Variants in WWP2 observed in about 807,000 individuals in gnomAD.
WWP2 encodes NEDD4-like E3 ubiquitin-protein ligase WWP2.
A neutral mutation model predicts 121.0 loss-of-function variants in WWP2; 57 were observed. That is an observed-to-expected ratio of 0.47 (90% CI 0.38 to 0.59). The LOEUF (loss-of-function observed/expected upper bound fraction) is 0.59. Among genes scored for constraint, WWP2 ranks in the 20% least tolerant of loss-of-function variants. The pLI is 0.00. For synonymous variants in WWP2, 449 were observed against 441.3 expected (o/e 1.02, Z -0.22); for missense variants, 962 against 1,158.9 (o/e 0.83, Z 2.47).
In WWP2 at chr16:69,872,794, C is replaced by A. The variant is rs542710198; in HGVS notation, c.703+863C>A. ...CAGTGCCGTCCACGTGCGCATGGAACTTCCCCACACTTGGCTCTGCTTCCC... is the reference window on the plus strand; with the variant it reads ...CAGTGCCGTCCACGTGCGCATGGAAATTCCCCACACTTGGCTCTGCTTCCC... On this transcript the variant is annotated intron_variant, in intron 7 of 23. Transcript: ENST00000359154. Among the ~76,000 whole-genome samples the A allele has an allele frequency of 6.6e-5, 10 of 152,358 alleles. No individual in the cohort carries two copies. In the South Asian group the frequency reaches 2.1e-3, roughly 32 times the overall value.
In WWP2 at chr16:69,798,851, T is replaced by C. The variant is rs550310199; in HGVS notation, c.218+22T>C. On this transcript the variant is annotated intron_variant, in intron 3 of 23. Transcript: ENST00000359154. ...TTTTGTAAGAGAAAGCCCCTTCTTT[T>C]TGAACGCAGCAAGATGGGGAAAGAG... The C allele has an allele frequency of 2.0e-5, 32 of 1,612,472 alleles. No homozygotes were observed. In the African/African-American group the frequency reaches 3.6e-4, roughly 18 times the overall value.
In WWP2 at chr16:69,809,016, G is replaced by C. The variant is rs147452807; in HGVS notation, c.340+9721G>C. Among the ~76,000 whole-genome samples the C allele has an allele frequency of 4.3e-4, 66 of 152,294 alleles. 1 individual carries two copies. The East Asian group carries it at 0.012, about 27-fold the overall frequency. ...TGTGCTCTGATCGTTTGTAATTACTGTTGTGATTTTATCTTCAAACCCAGA... is the reference window on the plus strand; with the variant it reads ...TGTGCTCTGATCGTTTGTAATTACTCTTGTGATTTTATCTTCAAACCCAGA... On this transcript the variant is annotated intron_variant, in intron 4 of 23. Coordinates refer to ENST00000359154, the MANE Select transcript of WWP2 (RefSeq NM_001270454.2).
intron 9 of WWP2, among the ~76,000 whole-genome samples, chr16:69,913,200 A>AT (rs112233666): frequency 0.76 from 109,716 of 144,330 alleles, 42,378 homozygotes; most frequent in East Asian, 0.96. Flanking sequence ...AATTCTTGTA[A>AT]TTTTTTTTTT....
At chr16:69,825,536 A>T (rs1289591879) in intron 4 of WWP2, among the ~76,000 whole-genome samples, 1 of 151,216 alleles carries the variant, frequency 6.6e-6, no homozygotes, top group Non-Finnish European at 1.5e-5. Flanking sequence ...CTGTATTTGA[A>T]TTTTTTTGAT....
At chr16:69,832,284 A>G (rs2056807377) in intron 4 of WWP2, among the ~76,000 whole-genome samples, 2 of 152,162 alleles carry the variant, frequency 1.3e-5, no homozygotes, top group East Asian at 3.8e-4. Flanking sequence ...GTAGCCATCT[A>G]TGACGGGCCA....
chr16:69,862,415 C>T lies in WWP2; in HGVS notation c.576-9389C>T, dbSNP rs112953546. 6.5e-4 allele frequency among the ~76,000 whole-genome samples: 98 copies of T among 151,816 alleles called. 1 individual carries two copies. Among genetic ancestry groups the T allele is most frequent in the African/African-American group, 2.1e-3 (86 of 41,408 alleles). Reference sequence around the variant, plus strand: ...TCTCGCTGTGTCACCTAGGCTGGAGCGCAGCAGCAGGATCTCTCTCAGCTC... The same window carrying T: ...TCTCGCTGTGTCACCTAGGCTGGAGTGCAGCAGCAGGATCTCTCTCAGCTC... On this transcript the variant is annotated intron_variant, in intron 6 of 23. Coordinates refer to ENST00000359154, the MANE Select transcript of WWP2 (RefSeq NM_001270454.2).
chr16:69,883,792 C>G (rs2057873681), intron 7 of WWP2, among the ~76,000 whole-genome samples: 1 of 152,102 alleles, frequency 6.6e-6, no homozygotes, highest in Non-Finnish European at 1.5e-5. Context: ...GACTCAGAGG[C>G]TCTTGGTTAG....
In WWP2 at chr16:69,909,811, G is replaced by A. The variant is rs9933606; in HGVS notation, c.1004+961G>A. 1.2e-3 allele frequency: 773 copies of A among 632,380 alleles called. 4 individuals are homozygous for A. In the African/African-American group the frequency reaches 0.013, roughly 11 times the overall value. The allele number at this position is 632,380 out of a possible 1,614,324, so 39.2% of individuals were successfully genotyped here. ...TTCAAATAGATATAGAGAGAATAAT[G>A]TTACAAACCCCCACATACTCAACAT... On this transcript the variant is annotated intron_variant, in intron 9 of 23. Transcript: ENST00000359154.
At chr16:69,848,623 C>T (rs1247909890) in intron 6 of WWP2, among the ~76,000 whole-genome samples, 1 of 122,184 alleles carries the variant, frequency 8.2e-6, no homozygotes, top group Non-Finnish European at 1.6e-5. Flanking sequence ...GGCAACAGAG[C>T]TAGATGCTGT....
chr16:69,877,424 G>T (rs896553525), intron 7 of WWP2, among the ~76,000 whole-genome samples: 8 of 152,184 alleles, frequency 5.3e-5, no homozygotes, highest in African/African-American at 1.7e-4. Flanking sequence ...GAATGTCGAG[G>T]CTGGTTTGAT....
At chr16:69,896,587 T>C (rs7185321) in intron 8 of WWP2, among the ~76,000 whole-genome samples, 5,649 of 152,240 alleles carry the variant, frequency 0.037, 296 homozygotes, top group African/African-American at 0.12. Flanking sequence ...TTTAAAGTTT[T>C]TTTCTGATCT....
intron 1 of WWP2, among the ~76,000 whole-genome samples, chr16:69,765,104 G>T (rs938365930): frequency 2.0e-5 from 3 of 152,074 alleles, no homozygotes; most frequent in Non-Finnish European, 4.4e-5. Flanking sequence ...GCTGAGGTGG[G>T]AGGATCACCC....
intron 6 of WWP2, among the ~76,000 whole-genome samples, chr16:69,850,099 A>G (rs574646311): frequency 6.6e-6 from 1 of 152,254 alleles, no homozygotes; most frequent in African/African-American, 2.4e-5. Context: ...TAAAAGATGA[A>G]AAGTCGGCCG....
At chr16:69,786,442 C>CTTTTTTTTTT (rs957224996) in intron 1 of WWP2, among the ~76,000 whole-genome samples, 1 of 85,406 alleles carries the variant, frequency 1.2e-5, no homozygotes, top group African/African-American at 6.1e-5. Flanking sequence ...CCCAGCCAAT[C>CTTTTTTTTTT]TTTTTTTTTT....
chr16:69,872,809 C>G (rs1435470196), intron 7 of WWP2, among the ~76,000 whole-genome samples: 1 of 152,238 alleles, frequency 6.6e-6, no homozygotes, highest in Non-Finnish European at 1.5e-5. Context: ...CCACACTTGG[C>G]TCTGCTTCCC....
intron 4 of WWP2, among the ~76,000 whole-genome samples, chr16:69,821,440 G>T (rs934634797): frequency 6.6e-6 from 1 of 152,212 alleles, no homozygotes; most frequent in Non-Finnish European, 1.5e-5. Context: ...CTGAGAGGCT[G>T]CCTTGTGGAG....
chr16:69,854,651 A>G (rs914793925), intron 6 of WWP2, among the ~76,000 whole-genome samples: 18 of 152,036 alleles, frequency 1.2e-4, no homozygotes, highest in Non-Finnish European at 2.6e-4. Context: ...TCTGGGTTCA[A>G]GCAGTTCTCA....
chr16:69,873,173 G>A (rs1470475073), intron 7 of WWP2, among the ~76,000 whole-genome samples: 2 of 152,230 alleles, frequency 1.3e-5, no homozygotes, highest in Non-Finnish European at 1.5e-5. Context: ...CGGAAGTGTT[G>A]TTGTGGCATT....
intron 4 of WWP2, among the ~76,000 whole-genome samples, chr16:69,812,451 C>T (rs540404185): frequency 1.3e-5 from 2 of 149,386 alleles, no homozygotes; most frequent in East Asian, 3.9e-4. Context: ...AGGCATGAGA[C>T]ACCGCGCCTG....
Sources: allele counts gnomAD v4.1 joint callset (sites outside exome capture counted in the v4.1 genomes callset), GRCh38; gene constraint gnomAD v4.1.1; transcripts MANE v1.5; gene names NCBI Gene and HGNC (gene_info 2026-07-23, HGNC 2026-07-21).